The following ZNF500 variants were observed in gnomAD, a reference collection of about 807,000 sequenced individuals.
ZNF500 encodes zinc finger protein 500, also known as zinc finger protein with KRAB and SCAN domains 18.
In ZNF500, 31 loss-of-function variants were observed where a neutral mutation model predicts 30.1. The observed-to-expected ratio is 1.03, with a 90% CI of 0.77 to 1.39. The LOEUF is 1.39. ZNF500 is among the 40% of genes most tolerant of loss of function. The pLI, the probability that ZNF500 is intolerant of heterozygous loss-of-function variation, is 0.00. For synonymous variants in ZNF500, 392 were observed against 282.0 expected (o/e 1.39, Z -3.91); for missense variants, 817 against 657.8 (o/e 1.24, Z -2.65).
At chr16:4,765,118 T>C (rs112860403) in intron 2 of ZNF500, among the ~76,000 whole-genome samples, 16,229 of 151,998 alleles carry the variant, frequency 0.11, 977 homozygotes, top group African/African-American at 0.16. Context: ...CTGGGCAACA[T>C]AACGAAACCC....
At position 4,750,598 on chromosome 16, in the gene ZNF500, C is replaced by G. The variant is rs2142221183; in HGVS notation, c.*1778G>C. 2.0e-5 allele frequency: 3 copies of G among 151,988 alleles called. No individual in the cohort carries two copies. The Middle Eastern group carries it at 0.01, about 517-fold the overall frequency. 9.4% of individuals were successfully genotyped at this position (151,988 alleles called of 1,614,324 possible). A position where few individuals can be genotyped will look rare whatever the true frequency, so the allele number is the denominator to read the frequency against. ...CCGCCTCCCTGGTTCAAGTGATTCT[C>G]TTGCCTCAGCTTCCCGAGTAGCTGG... On this transcript the variant is annotated 3_prime_UTR_variant, in exon 6 of 6. Coordinates refer to ENST00000219478, the MANE Select transcript of ZNF500 (RefSeq NM_021646.4).
downstream of ZNF500, chr16:4,746,779 C>T (rs141618131): frequency 1.1e-3 from 870 of 809,772 alleles, 4 homozygotes; most frequent in African/African-American, 0.014. Context: ...CCTGTCCTCA[C>T]CTCCTGGCAG....
chr16:4,746,722 C>G (rs747290054), downstream of ZNF500: 1 of 796,696 alleles, frequency 1.3e-6, no homozygotes, highest in African/African-American at 1.7e-5. Context: ...GGGCTGGGCT[C>G]TATGCAATAG....
In ZNF500 at chr16:4,752,266, A is replaced by G. The variant is rs1286496864; in HGVS notation, c.*110T>C. 3 of 1,429,768 alleles carry G rather than the reference A, an allele frequency of 2.1e-6. No homozygotes were observed. The highest frequency in any genetic ancestry group is 5.7e-5 in the Admixed American group (2 of 34,892). The allele number at this position is 1,429,768 out of a possible 1,614,324, so 88.6% of individuals were successfully genotyped here. ...TCCCCTGCTGGCCTCATACTGGGCC[A>G]TGGGAGGAAACGGGCAGCTGGCAAT... On this transcript the variant is annotated 3_prime_UTR_variant, in exon 6 of 6. Transcript: ENST00000219478.
rs1023240356 is a variant in ZNF500, at chr16:4,760,595, G to C, written c.664-7C>G. 1 of 1,612,968 alleles carries C rather than the reference G, an allele frequency of 6.2e-7. No individual in the cohort carries two copies. The highest frequency in any genetic ancestry group is 1.3e-5 in the African/African-American group (1 of 75,030). ...CCTCCAAGTTCACGGGCACCTGCCA[G>C]AACGCACCCCACTCAGTCCTGGCCC... On this transcript the variant is annotated splice_polypyrimidine_tract_variant and splice_region_variant and intron_variant, in intron 4 of 5. Transcript: ENST00000219478.
intron 3 of ZNF500, 94 bp from the exon 4 acceptor site, chr16:4,762,429 G>A: frequency 1.3e-6 from 2 of 1,519,438 alleles, no homozygotes; most frequent in South Asian, 1.3e-5. Flanking sequence ...CCCGGCGGCT[G>A]CCCACCCAAG....
chr16:4,752,195 C>T lies in ZNF500; in HGVS notation c.*181G>A, dbSNP rs914515654. On this transcript the variant is annotated 3_prime_UTR_variant, in exon 6 of 6. Transcript: ENST00000219478. ...CTCAGAGCCTGTCCTTGCCCTTGTT[C>T]TGCACCCAGTGCCCAGCTTCCTCTG... The T allele has an allele frequency of 1.4e-6, 2 of 1,419,698 alleles. No individual in the cohort carries two copies. The highest frequency in any genetic ancestry group is 1.8e-6 in the Non-Finnish European group (2 of 1,093,190). The allele number at this position is 1,419,698 out of a possible 1,614,324, so 87.9% of individuals were successfully genotyped here.
At chr16:4,763,098 G>A (rs1257313036) in intron 2 of ZNF500, 14 of 985,306 alleles carry the variant, frequency 1.4e-5, no homozygotes, top group Non-Finnish European at 1.7e-5. Context: ...GCATTTGCTA[G>A]ATTTTTTGAA....
chr16:4,746,400 C>T (rs775139596), downstream of ZNF500: 18 of 1,612,730 alleles, frequency 1.1e-5, no homozygotes, highest in Non-Finnish European at 1.5e-5. Flanking sequence ...GCAGGGCTCC[C>T]AGGCTGGGCC....
At position 4,752,916 on chromosome 16, in the gene ZNF500, C is replaced by G. The variant is rs777404864; in HGVS notation, c.903G>C (p.Leu301Phe). 6.2e-7 allele frequency: 1 copy of G among 1,613,794 alleles called. No homozygotes were observed. Residue 301 changes from leucine (L) to phenylalanine (F), a missense_variant, in exon 6 of 6, where the codon TTG (leucine) becomes TTC (phenylalanine). Leu to Phe is a conservative substitution (Grantham distance 22). Coordinates refer to ENST00000219478, the MANE Select transcript of ZNF500 (RefSeq NM_021646.4). Reference sequence around the variant, plus strand: ...CGCCTCTTGGCTGATCAGGCCTGACCAAGCCCCTGACTGGGGCTGGCCTCT... The same window carrying G: ...CGCCTCTTGGCTGATCAGGCCTGACGAAGCCCCTGACTGGGGCTGGCCTCT... ...PGQRPAPVRG[L>F]VRPDQPRGGP... is the part of the protein sequence containing the mutation.
chr16:4,760,494 T>C lies in ZNF500; in HGVS notation c.758A>G (p.Glu253Gly), dbSNP rs375779561. Residue 253 changes from glutamate (E) to glycine (G), a missense_variant and splice_region_variant, in exon 5 of 6, where the codon GAA (glutamate) becomes GGA (glycine). Physicochemically the swap from Glu to Gly is moderately conservative, Grantham distance 98. Transcript: ENST00000219478. ...GGACACAATCACTTGCAAGTTACCTTCATTCTCCAGCGGCGCGTCCCGCTG... is the reference window on the plus strand; with the variant it reads ...GGACACAATCACTTGCAAGTTACCTCCATTCTCCAGCGGCGCGTCCCGCTG... ...PAQRDAPLEN[E>G]GPGIQLEDGG... The C allele has an allele frequency of 5.6e-6, 9 of 1,613,394 alleles. No individual in the cohort carries two copies. The East Asian group carries it at 8.9e-5, about 16-fold the overall frequency.
chr16:4,763,668 G>A, intron 2 of ZNF500: 1 of 985,394 alleles, frequency 1.0e-6, no homozygotes, highest in Non-Finnish European at 1.2e-6. Context: ...CTCAGTGATG[G>A]CCATGAGGCA....
At position 4,762,640 on chromosome 16, in the gene ZNF500, G is replaced by A; in HGVS notation, c.531C>T (p.Ser177=). Residue 177 remains serine, a synonymous_variant, in exon 3 of 6, where the codon TCC becomes TCT. Transcript: ENST00000219478. ...DLSLEEEARF[S]SQQPPAQLSH... ...TCAGCTGGGCTGGGGGCTGCTGGCTGGAGAATCGAGCCTCTTCCTCCAGGG... is the reference window on the plus strand; with the variant it reads ...TCAGCTGGGCTGGGGGCTGCTGGCTAGAGAATCGAGCCTCTTCCTCCAGGG... 1 of 1,614,134 alleles carries A rather than the reference G, an allele frequency of 6.2e-7. No homozygotes were observed. The highest frequency in any genetic ancestry group is 1.7e-5 in the Admixed American group (1 of 60,024).
At chr16:4,755,308 T>C (rs1368522097) in intron 5 of ZNF500, among the ~76,000 whole-genome samples, 1 of 152,088 alleles carries the variant, frequency 6.6e-6, no homozygotes, top group South Asian at 2.1e-4. Context: ...TGTAAAAATA[T>C]TTTTACTTAT....
chr16:4,760,745 G>A (rs1161898597), intron 4 of ZNF500, among the ~76,000 whole-genome samples, 157 bp from the exon 5 acceptor site: 1 of 152,216 alleles, frequency 6.6e-6, no homozygotes, highest in Non-Finnish European at 1.5e-5. Flanking sequence ...GCAGTGGTGA[G>A]TCCTGGTGTC....
chr16:4,762,511 C>A, intron 3 of ZNF500, 62 bp downstream of exon 3: 2 of 1,554,830 alleles, frequency 1.3e-6, no homozygotes, highest in Non-Finnish European at 1.7e-6. Flanking sequence ...AGTCCACACC[C>A]CAGTCACCTT....
At chr16:4,747,101 AT>A, downstream of ZNF500, 1 of 1,393,274 alleles carries the variant, frequency 7.2e-7, no homozygotes, top group Non-Finnish European at 9.7e-7. Context: ...CACCTGGCAC[AT>A]TTACCGCCTG....
chr16:4,746,666 C>A, downstream of ZNF500: 1 of 1,119,942 alleles, frequency 8.9e-7, no homozygotes. Context: ...TACAGTCCCC[C>A]TGGGTCCCTG....
chr16:4,751,625 C>G lies in ZNF500; in HGVS notation c.*751G>C. On this transcript the variant is annotated 3_prime_UTR_variant, in exon 6 of 6. Transcript: ENST00000219478. Reference sequence around the variant, plus strand: ...TCCCTGCAGCAGACGAGGGGTCCCTCAAATTCATGTGCACCCAGACCTCAG... The same window carrying G: ...TCCCTGCAGCAGACGAGGGGTCCCTGAAATTCATGTGCACCCAGACCTCAG... The G allele has an allele frequency of 6.5e-7, 1 of 1,535,356 alleles. No individual in the cohort carries two copies. Among genetic ancestry groups the G allele is most frequent in the Non-Finnish European group, 8.7e-7 (1 of 1,146,750 alleles).
Sources: gnomAD v4.1 joint callset for allele counts (sites outside exome capture counted in the v4.1 genomes callset) on GRCh38, gnomAD v4.1.1 for gene constraint, MANE v1.5 for transcripts, NCBI Gene and HGNC (gene_info 2026-07-23, HGNC 2026-07-21) for gene names.